The following PFKFB4 variants were observed in gnomAD, a reference collection of about 807,000 sequenced individuals.
The protein encoded by PFKFB4 is 6-phosphofructo-2-kinase/fructose-2,6-biphosphatase 4, also known as 6-phosphofructo-2-kinase/fructose-2,6-bisphosphatase 4.
In PFKFB4, 42 loss-of-function variants were observed where a neutral mutation model predicts 62.8. The ratio of observed to expected loss-of-function variants is 0.67; its 90% CI spans 0.52 to 0.86. The LOEUF is 0.86. Ranked by LOEUF, PFKFB4 falls within the 40% of genes least tolerant of loss-of-function variation. The pLI, the probability that PFKFB4 is intolerant of heterozygous loss-of-function variation, is 0.00. For missense variants in PFKFB4, 475 were observed against 627.2 expected (o/e 0.76, Z 2.59); for synonymous variants, 204 against 240.7 (o/e 0.85, Z 1.41).
intron 1 of PFKFB4, among the ~76,000 whole-genome samples, chr3:48,552,682 C>A (rs1298849521): frequency 6.6e-6 from 1 of 152,206 alleles, no homozygotes; most frequent in Non-Finnish European, 1.5e-5. Flanking sequence ...CTGCATCTAC[C>A]CTGCTCCCGC....
At chr3:48,537,428 C>T (rs1246317709) in intron 7 of PFKFB4, among the ~76,000 whole-genome samples, 1 of 151,814 alleles carries the variant, frequency 6.6e-6, no homozygotes, top group Non-Finnish European at 1.5e-5. Context: ...CCTGGGCTGG[C>T]TCTAGAACCC....
chr3:48,562,815 G>A (rs754381784), upstream of PFKFB4: 50 of 1,566,114 alleles, frequency 3.2e-5, no homozygotes, highest in African/African-American at 2.8e-4. This position sits in a 1 kb window ranked among gnomAD's most constrained non-coding sequence, Gnocchi z 4.3. Flanking sequence ...GCCAGGATGC[G>A]GGCGTTGGTG....
intron 9 of PFKFB4, among the ~76,000 whole-genome samples, chr3:48,533,928 TGA>T (rs1260757286): frequency 6.6e-6 from 1 of 152,122 alleles, no homozygotes; most frequent in East Asian, 1.9e-4. Flanking sequence ...CTGTGATCCT[TGA>T]GAGAAGGGAA....
In PFKFB4 at chr3:48,536,449, A is replaced by G. The variant is rs1399460172; in HGVS notation, c.647T>C (p.Ile216Thr). ...GCTCTGGCCCACATCCATGATCTTG[A>G]TATAGGACAGGTCCCTGTCCAGAGA... ...DEDLDRDLSY[I>T]KIMDVGQSYV... is the part of the protein sequence containing the mutation. The change falls in exon 8 of 14, where the codon ATC (isoleucine) becomes ACC (threonine). Residue 216 changes from isoleucine (I) to threonine (T), a missense_variant. Ile to Thr is a moderately conservative substitution (Grantham distance 89). Coordinates refer to ENST00000232375, the MANE Select transcript of PFKFB4 (RefSeq NM_004567.4). 19 of 1,612,294 alleles carry G rather than the reference A, an allele frequency of 1.2e-5. No homozygotes were observed. The highest frequency in any genetic ancestry group is 1.5e-5 in the Non-Finnish European group (18 of 1,178,466).
rs370298222 is a variant in PFKFB4 at position 48,540,836 on chromosome 3, G to A, written c.379-1065C>T. On this transcript the variant is annotated intron_variant, in intron 4 of 13. Coordinates refer to ENST00000232375, the MANE Select transcript of PFKFB4 (RefSeq NM_004567.4). ...GTCGCCCAGGCTGCAGTGCAGTGGC[G>A]TGATCTCGGCTCACTGCAACCTCCG... Among the ~76,000 whole-genome samples the A allele has an allele frequency of 8.0e-5, 12 of 150,734 alleles. No individual in the cohort carries two copies. In the South Asian group the frequency reaches 8.3e-4, roughly 10 times the overall value.
At chr3:48,550,030 C>T in intron 2 of PFKFB4, 70 bp from the exon 3 acceptor site, 2 of 1,433,444 alleles carry the variant, frequency 1.4e-6, no homozygotes, top group South Asian at 1.1e-5. Context: ...TGACCCAACC[C>T]CAGGCCAAAT....
upstream of PFKFB4, chr3:48,557,062 C>G (rs919126804): frequency 2.0e-6 from 2 of 980,648 alleles, no homozygotes; most frequent in Non-Finnish European, 2.7e-6. Flanking sequence ...CCGGATTGTA[C>G]TGGTCCCGCC....
rs759886166 is a variant in PFKFB4, at chr3:48,539,691, C to A, written c.453+6G>T. ...CCGCCAAGGAGAGGAGCCAAGGAGGCCTCACCTTGTAGCCATTCTGTTCTC... is the reference window on the plus strand; with the variant it reads ...CCGCCAAGGAGAGGAGCCAAGGAGGACTCACCTTGTAGCCATTCTGTTCTC... On this transcript the variant is annotated splice_donor_region_variant and intron_variant, in intron 5 of 13. Coordinates refer to ENST00000232375, the MANE Select transcript of PFKFB4 (RefSeq NM_004567.4). 2.0e-5 allele frequency: 32 copies of A among 1,610,892 alleles called. No homozygotes were observed. The African/African-American group carries it at 4.0e-4, about 20-fold the overall frequency.
chr3:48,517,745 T>G lies in PFKFB4; in HGVS notation c.*2002A>C, dbSNP rs1022065916. The G allele has an allele frequency of 6.5e-6, 1 of 152,706 alleles. No individual in the cohort carries two copies. Among genetic ancestry groups the G allele is most frequent in the Non-Finnish European group, 1.5e-5 (1 of 68,050 alleles). The allele number at this position is 152,706 out of a possible 1,614,324, so 9.5% of individuals were successfully genotyped here. Reference sequence around the variant, plus strand: ...GACACAGTGTTGCATGTGGCTGAGATTCAATACCATCCATTCTGGGGAACT... The same window carrying G: ...GACACAGTGTTGCATGTGGCTGAGAGTCAATACCATCCATTCTGGGGAACT... On this transcript the variant is annotated 3_prime_UTR_variant, in exon 14 of 14. Coordinates refer to ENST00000232375, the MANE Select transcript of PFKFB4 (RefSeq NM_004567.4).
upstream of PFKFB4, chr3:48,562,823 G>T (rs750909702): frequency 1.6e-4 from 246 of 1,573,376 alleles, no homozygotes; most frequent in Non-Finnish European, 2.1e-4. The surrounding 1 kb of genome is among the most constrained non-coding windows in gnomAD (Gnocchi z 4.3). Flanking sequence ...GCGGGCGTTG[G>T]TGGTGGCCTG....
At position 48,519,594 on chromosome 3, in the gene PFKFB4, G is replaced by T. The variant is rs1043362685; in HGVS notation, c.*153C>A. ...GCCGACTGTCAACAAAGAGCCAGGTGGGCTGGGGTGGGGGCTCTGGGTTCC... is the reference window on the plus strand; with the variant it reads ...GCCGACTGTCAACAAAGAGCCAGGTTGGCTGGGGTGGGGGCTCTGGGTTCC... On this transcript the variant is annotated 3_prime_UTR_variant, in exon 14 of 14. Transcript: ENST00000232375. 3.2e-6 allele frequency: 2 copies of T among 632,464 alleles called. No homozygotes were observed. The highest frequency in any genetic ancestry group is 5.7e-6 in the Non-Finnish European group (2 of 353,756). 39.2% of individuals were successfully genotyped at this position (632,464 alleles called of 1,614,324 possible).
rs578189335 is a variant in PFKFB4, at chr3:48,522,624, A to G, written c.1286-574T>C. 4.6e-5 allele frequency among the ~76,000 whole-genome samples: 7 copies of G among 152,300 alleles called. No homozygotes were observed. The South Asian group carries it at 1.5e-3, about 32-fold the overall frequency. On this transcript the variant is annotated intron_variant, in intron 12 of 13. Coordinates refer to ENST00000232375, the MANE Select transcript of PFKFB4 (RefSeq NM_004567.4). ...ACTCACACTGCCCTGCACCCAGAAT[A>G]AAGTCCAGGCCCTGAGGACCAAGGG...
At chr3:48,519,857 T>A (rs1459314561) in intron 13 of PFKFB4, 51 bp from the exon 14 acceptor site, 4 of 1,437,664 alleles carry the variant, frequency 2.8e-6, no homozygotes, top group Non-Finnish European at 2.0e-6. Flanking sequence ...ATAGATGAGA[T>A]GCCTGCTGTC....
intron 7 of PFKFB4, among the ~76,000 whole-genome samples, chr3:48,537,349 T>C (rs1380568037): frequency 2.0e-5 from 3 of 151,860 alleles, no homozygotes; most frequent in Non-Finnish European, 4.4e-5. Context: ...TGAAGAGAAA[T>C]GCTGTGCTGG....
Position 48,556,547 on chromosome 3 carries a change from A to G in PFKFB4, c.97+134T>C. The G allele has an allele frequency of 2.8e-6, 3 of 1,060,794 alleles. No homozygotes were observed. The highest frequency in any genetic ancestry group is 4.0e-6 in the Non-Finnish European group (3 of 750,702). 65.7% of individuals were successfully genotyped at this position (1,060,794 alleles called of 1,614,324 possible). On this transcript the variant is annotated intron_variant, in intron 1 of 13. Transcript: ENST00000232375. The surrounding 1 kb of genome is among the most constrained non-coding windows in gnomAD (Gnocchi z 5.7). ...CTCACCTGTCCCCAGCAGCCTCCCC[A>G]GTCACGGCAACCTCACCTGTCCCCG...
intron 6 of PFKFB4, 90 bp downstream of exon 6, chr3:48,539,164 G>T: frequency 1.0e-6 from 1 of 961,072 alleles, no homozygotes; most frequent in Non-Finnish European, 1.7e-6. Context: ...ACCCCCACAA[G>T]GTTCAAGATC....
chr3:48,544,177 A>G (rs906000668), intron 3 of PFKFB4, among the ~76,000 whole-genome samples: 5 of 151,978 alleles, frequency 3.3e-5, no homozygotes, highest in Admixed American at 2.0e-4. Context: ...ACGCCCAGCT[A>G]ATTTTTATAT....
intron 9 of PFKFB4, chr3:48,525,889 T>C (rs930606467): frequency 8.0e-6 from 3 of 373,132 alleles, no homozygotes; most frequent in African/African-American, 2.1e-5. Flanking sequence ...TGTCCACCTA[T>C]CCATCACCCA....
intron 9 of PFKFB4, among the ~76,000 whole-genome samples, chr3:48,526,725 G>A (rs1423682406): frequency 6.6e-6 from 1 of 151,796 alleles, no homozygotes; most frequent in Non-Finnish European, 1.5e-5. Flanking sequence ...TGGATCATGA[G>A]GTCAGGAGTT....
Sources: allele counts gnomAD v4.1 joint callset (sites outside exome capture counted in the v4.1 genomes callset), GRCh38; gene constraint gnomAD v4.1.1; non-coding constraint Gnocchi (gnomAD v3.1); transcripts MANE v1.5; gene names NCBI Gene and HGNC (gene_info 2026-07-23, HGNC 2026-07-21).